The following SIL1 variants were observed in gnomAD, a reference collection of about 807,000 sequenced individuals.
SIL1 encodes the protein nucleotide exchange factor SIL1.
A neutral mutation model predicts 49.1 loss-of-function variants in SIL1; 40 were observed. The observed-to-expected ratio is 0.81, with a 90% CI of 0.63 to 1.06. The LOEUF (loss-of-function observed/expected upper bound fraction) is 1.06, where lower values mean the gene tolerates loss of function less well. Ranked by LOEUF, SIL1 falls within the 50% of genes least tolerant of loss-of-function variation. SIL1 has a pLI of 0.00. For missense variants in SIL1, 500 were observed against 572.6 expected, an observed-to-expected ratio of 0.87 and a Z score of 1.29; for synonymous variants, 253 against 250.8, an observed-to-expected ratio of 1.01 and a Z score of -0.08.
intron 4 of SIL1, among the ~76,000 whole-genome samples, chr5:139,044,225 C>A (rs938274271): frequency 6.6e-6 from 1 of 152,150 alleles, no homozygotes; most frequent in Non-Finnish European, 1.5e-5. Context: ...GGGAGAGAAT[C>A]CTGAATCCCT....
chr5:139,073,087 C>T (rs1018777519), intron 3 of SIL1, among the ~76,000 whole-genome samples: 1 of 152,138 alleles, frequency 6.6e-6, no homozygotes. Flanking sequence ...AAAAGAGAAG[C>T]TTTGTACACT....
intron 5 of SIL1, chr5:139,036,032 G>A (rs1561837377): frequency 6.6e-6 from 1 of 151,974 alleles, no homozygotes; most frequent in Non-Finnish European, 1.5e-5. Context: ...TTGTAAATTT[G>A]TTCAAGTTTC....
At chr5:139,135,793 G>A (rs1750963156) in intron 1 of SIL1, among the ~76,000 whole-genome samples, 1 of 152,054 alleles carries the variant, frequency 6.6e-6, no homozygotes. Flanking sequence ...AATCGGGCAT[G>A]GTGGCTCACA....
intron 7 of SIL1, among the ~76,000 whole-genome samples, chr5:139,008,741 G>A (rs1188785957): frequency 6.6e-6 from 1 of 151,386 alleles, no homozygotes; most frequent in African/African-American, 2.4e-5. Context: ...TTCAGGAGCA[G>A]GTTGTTCAGC....
At chr5:139,147,926 G>A (rs1751224178) in intron 1 of SIL1, among the ~76,000 whole-genome samples, 1 of 152,160 alleles carries the variant, frequency 6.6e-6, no homozygotes, top group South Asian at 2.1e-4. Flanking sequence ...GGATGTGGAA[G>A]GGGAGGAGCC....
intron 1 of SIL1, among the ~76,000 whole-genome samples, chr5:139,177,364 T>C (rs1015312803): frequency 3.3e-5 from 5 of 152,028 alleles, no homozygotes; most frequent in Non-Finnish European, 7.4e-5. Flanking sequence ...CTCAGCCTCC[T>C]GAGTAGCTGG....
In SIL1 at chr5:139,042,686, C is replaced by G; in HGVS notation, c.387G>C (p.Gln129His). ...LDINTNTYTS[Q>H]DLKSALAKFK... Reference sequence around the variant, plus strand: ...ATTTTGCCAGTGCACTCTTGAGATCCTGAGATGTGTAGGTGTTGGTGTTGA... The same window carrying G: ...ATTTTGCCAGTGCACTCTTGAGATCGTGAGATGTGTAGGTGTTGGTGTTGA... The change falls in exon 5 of 10, where the codon CAG (glutamine) becomes CAC (histidine). Residue 129 changes from glutamine (Q) to histidine (H), a missense_variant. By Grantham distance (24) the Gln-to-His change is conservative. Coordinates refer to ENST00000394817, the MANE Select transcript of SIL1 (RefSeq NM_022464.5). 6.2e-7 allele frequency: 1 copy of G among 1,614,116 alleles called. No individual in the cohort carries two copies. Among genetic ancestry groups the G allele is most frequent in the Non-Finnish European group, 8.5e-7 (1 of 1,180,022 alleles).
At chr5:138,997,620 C>T (rs540043324) in intron 7 of SIL1, among the ~76,000 whole-genome samples, 37 of 152,268 alleles carry the variant, frequency 2.4e-4, no homozygotes, top group Admixed American at 7.2e-4. Context: ...AGTGCAGTGG[C>T]GCAATCTTGG....
chr5:138,990,814 C>G (rs1767739972), intron 7 of SIL1, among the ~76,000 whole-genome samples: 1 of 152,234 alleles, frequency 6.6e-6, no homozygotes, highest in Non-Finnish European at 1.5e-5. Context: ...CTCCTGGGTT[C>G]AAGCGATTCT....
At chr5:138,954,929 T>C (rs1766869853) in intron 7 of SIL1, among the ~76,000 whole-genome samples, 1 of 152,252 alleles carries the variant, frequency 6.6e-6, no homozygotes, top group Non-Finnish European at 1.5e-5. Context: ...TGCTAGCCAA[T>C]GCACTGTGGC....
At chr5:139,021,717 G>T in intron 6 of SIL1, 1 of 253,304 alleles carries the variant, frequency 3.9e-6, no homozygotes, top group Non-Finnish European at 7.7e-6. Context: ...TTTTAAAGCT[G>T]ATTTTAAATT....
chr5:139,182,373 T>G (rs1752006195), intron 1 of SIL1, among the ~76,000 whole-genome samples: 1 of 152,214 alleles, frequency 6.6e-6, no homozygotes, highest in African/African-American at 2.4e-5. Context: ...ATGGACCACA[T>G]CTGTCTCATT....
At chr5:139,090,313 C>T (rs2151775848) in intron 3 of SIL1, among the ~76,000 whole-genome samples, 1 of 152,294 alleles carries the variant, frequency 6.6e-6, no homozygotes, top group East Asian at 1.9e-4. Flanking sequence ...CCTCTTCTAC[C>T]TGACTGTTAA....
At chr5:139,057,866 C>A (rs561145635) in intron 3 of SIL1, among the ~76,000 whole-genome samples, 10 of 152,288 alleles carry the variant, frequency 6.6e-5, no homozygotes, top group African/African-American at 2.2e-4. Context: ...ACAGAAGGTG[C>A]CTTCTAAGTG....
intron 6 of SIL1, among the ~76,000 whole-genome samples, 172 bp downstream of exon 6, chr5:139,026,629 T>C (rs2150433033): frequency 6.6e-6 from 1 of 152,262 alleles, no homozygotes; most frequent in South Asian, 2.1e-4. Flanking sequence ...AGAAGTTGGC[T>C]CTGGCCTCTA....
At chr5:139,192,004 G>A (rs1274586661) in intron 1 of SIL1, among the ~76,000 whole-genome samples, 3 of 151,302 alleles carry the variant, frequency 2.0e-5, no homozygotes, top group Non-Finnish European at 4.4e-5. Flanking sequence ...GAACCTGGGA[G>A]GCAGAGGTTG....
intron 1 of SIL1, among the ~76,000 whole-genome samples, chr5:139,147,187 T>A (rs1751210424): frequency 6.6e-6 from 1 of 152,124 alleles, no homozygotes; most frequent in Non-Finnish European, 1.5e-5. Flanking sequence ...GGGTTTCCCT[T>A]GCCTTTTCAG....
chr5:138,994,492 T>C (rs1453396340), intron 7 of SIL1, among the ~76,000 whole-genome samples: 2 of 152,238 alleles, frequency 1.3e-5, no homozygotes, highest in African/African-American at 4.8e-5. Context: ...ATCATGTTCA[T>C]GAACAGAAAC....
intron 9 of SIL1, among the ~76,000 whole-genome samples, 156 bp downstream of exon 9, chr5:138,951,015 G>A (rs530624744): frequency 6.6e-5 from 10 of 152,208 alleles, no homozygotes; most frequent in East Asian, 1.9e-4. Context: ...ACTCCCTGAC[G>A]TCCCCAATCT....
Sources: gnomAD v4.1 joint callset for allele counts (sites outside exome capture counted in the v4.1 genomes callset) on GRCh38, gnomAD v4.1.1 for gene constraint, MANE v1.5 for transcripts, NCBI Gene and HGNC (gene_info 2026-07-23, HGNC 2026-07-21) for gene names.